The following SPTLC1 variants were observed in gnomAD, a reference collection of about 807,000 sequenced individuals.
SPTLC1 encodes serine palmitoyltransferase 1.
A neutral mutation model predicts 68.9 loss-of-function variants in SPTLC1; 55 were observed. The observed-to-expected ratio is 0.80, with a 90% confidence interval of 0.64 to 1.00. The LOEUF is 1.00. Among genes scored for constraint, SPTLC1 ranks in the 50% least tolerant of loss-of-function variants. The pLI is 0.00. For missense variants in SPTLC1, 449 were observed against 573.1 expected (o/e 0.78, Z 2.21); for synonymous variants, 197 against 201.6 (o/e 0.98, Z 0.19).
At chr9:92,036,292 G>C (rs962691100) in intron 13 of SPTLC1, among the ~76,000 whole-genome samples, 11 of 152,212 alleles carry the variant, frequency 7.2e-5, no homozygotes, top group Non-Finnish European at 1.5e-5. Context: ...GCTGTCCACA[G>C]ACTTTTCGTT....
At chr9:92,074,950 C>T (rs1834627754) in intron 5 of SPTLC1, among the ~76,000 whole-genome samples, 2 of 152,114 alleles carry the variant, frequency 1.3e-5, no homozygotes, top group Admixed American at 1.3e-4. Flanking sequence ...CCCACCAGTC[C>T]CAACAACTCA....
intron 5 of SPTLC1, among the ~76,000 whole-genome samples, chr9:92,075,056 C>G (rs1344898229): frequency 1.3e-5 from 2 of 152,076 alleles, no homozygotes; most frequent in Non-Finnish European, 2.9e-5. Context: ...ATTTGTTTCC[C>G]ATCTCATTCA....
intron 7 of SPTLC1, among the ~76,000 whole-genome samples, chr9:92,057,086 C>T (rs1833919808): frequency 6.6e-6 from 1 of 152,154 alleles, no homozygotes; most frequent in Non-Finnish European, 1.5e-5. Context: ...TTTTGTCTTT[C>T]TTGTATAAAC....
chr9:92,066,446 A>AGGAGAAGGGAGGAGGAAC (rs1267687122), intron 6 of SPTLC1, among the ~76,000 whole-genome samples: 5 of 152,180 alleles, frequency 3.3e-5, no homozygotes, highest in African/African-American at 9.7e-5. Context: ...AAGGTTAAGT[A>AGGAGAAGGGAGGAGGAAC]GGAGAAGGGA....
At chr9:92,035,299 C>G (rs1384674699) in intron 13 of SPTLC1, among the ~76,000 whole-genome samples, 1 of 152,204 alleles carries the variant, frequency 6.6e-6, no homozygotes, top group Non-Finnish European at 1.5e-5. Context: ...CTTATGACCA[C>G]CACCACCAGT....
chr9:92,066,345 T>C (rs1403262380), intron 6 of SPTLC1, among the ~76,000 whole-genome samples: 3 of 152,214 alleles, frequency 2.0e-5, no homozygotes, highest in Non-Finnish European at 2.9e-5. Flanking sequence ...TCTCTCTGGC[T>C]GTAAGATTTT....
intron 3 of SPTLC1, among the ~76,000 whole-genome samples, chr9:92,086,505 T>C (rs1835138741): frequency 1.3e-5 from 2 of 152,114 alleles, no homozygotes; most frequent in African/African-American, 4.8e-5. Context: ...CTTACGAAGC[T>C]TAGTTTGGCT....
chr9:92,068,966 G>A (rs1230332220), intron 5 of SPTLC1, among the ~76,000 whole-genome samples: 1 of 152,194 alleles, frequency 6.6e-6, no homozygotes, highest in East Asian at 1.9e-4. Context: ...AACTATGGCA[G>A]GACCCAACCC....
chr9:92,103,841 G>A (rs914947765), intron 3 of SPTLC1, among the ~76,000 whole-genome samples: 12 of 152,190 alleles, frequency 7.9e-5, no homozygotes, highest in Admixed American at 2.6e-4. Context: ...GGGCCACTGG[G>A]TGCCAGCCAG....
At chr9:92,095,621 T>TA (rs1246812690) in intron 3 of SPTLC1, among the ~76,000 whole-genome samples, 1 of 152,100 alleles carries the variant, frequency 6.6e-6, no homozygotes, top group Non-Finnish European at 1.5e-5. Flanking sequence ...CAGCTAACAT[T>TA]AAAAAACACC....
At chr9:92,111,424 T>C (rs1371454360) in intron 2 of SPTLC1, 2 of 152,204 alleles carry the variant, frequency 1.3e-5, no homozygotes, top group African/African-American at 4.8e-5. Flanking sequence ...AAACTTCTGA[T>C]CTAACAACCT....
In SPTLC1 at chr9:92,047,253, C is replaced by T; in HGVS notation, c.1000G>A (p.Gly334Arg). ...GGTAACGAAGCTGAAAAGCAGTATC[C>T]CTGGCCGGAAAGTCGCTGAGAAGAA... ...VIDHQRLSGQGYCFSASLPPL... is the reference protein window; with the variant it reads ...VIDHQRLSGQRYCFSASLPPL... Residue 334 changes from glycine (G) to arginine (R), a missense_variant, in exon 11 of 15, where the codon GGA (glycine) becomes AGA (arginine). This residue lies in a region of SPTLC1 where 391 missense variants were observed against 472.1 expected (regional missense o/e 0.83). Transcript: ENST00000262554. 1 of 1,613,994 alleles carries T rather than the reference C, an allele frequency of 6.2e-7. No homozygotes were observed. The highest frequency in any genetic ancestry group is 8.5e-7 in the Non-Finnish European group (1 of 1,179,946).
chr9:92,083,848 C>T (rs1834998936), intron 3 of SPTLC1, among the ~76,000 whole-genome samples: 2 of 152,164 alleles, frequency 1.3e-5, no homozygotes, highest in South Asian at 4.1e-4. Context: ...GCCATTTTCA[C>T]AATATTGATT....
intron 5 of SPTLC1, among the ~76,000 whole-genome samples, chr9:92,078,528 G>A (rs1028410569): frequency 1.3e-5 from 2 of 152,230 alleles, no homozygotes; most frequent in South Asian, 2.1e-4. Context: ...GTGTGAACAC[G>A]GCTCATTACA....
intron 5 of SPTLC1, among the ~76,000 whole-genome samples, chr9:92,068,693 G>A (rs1358843448): frequency 1.3e-5 from 2 of 152,182 alleles, no homozygotes; most frequent in African/African-American, 4.8e-5. Context: ...TAGATGCACT[G>A]TAAGGAGGAT....
rs148923837 is a variant in SPTLC1 at position 92,039,468 on chromosome 9, T to C, written c.1137-1103A>G. ...TGGCATCTCGCTCTGTCACTCAGGC[T>C]GGCTGCAGTGCAGTGGCACGATCTC... On this transcript the variant is annotated intron_variant, in intron 12 of 14. Coordinates refer to ENST00000262554, the MANE Select transcript of SPTLC1 (RefSeq NM_006415.4). 1.8e-3 allele frequency among the ~76,000 whole-genome samples: 276 copies of C among 152,298 alleles called. 1 individual carries two copies. The highest frequency in any genetic ancestry group is 6.2e-3 in the African/African-American group (256 of 41,558).
chr9:92,079,663 C>T lies in SPTLC1; in HGVS notation c.427+353G>A, dbSNP rs570333218. The T allele has an allele frequency of 6.4e-5, 72 of 1,120,416 alleles. No homozygotes were observed. The Admixed American group carries it at 1.1e-3, about 17-fold the overall frequency. 69.4% of individuals were successfully genotyped at this position (1,120,416 alleles called of 1,614,324 possible). On this transcript the variant is annotated intron_variant, in intron 5 of 14. Transcript: ENST00000262554. ...CCTAGAGCTGTTTCTCAGCCCCCTG[C>T]GTGGCTAGTCATGGCAGGGGTTCCG...
intron 6 of SPTLC1, among the ~76,000 whole-genome samples, chr9:92,061,870 A>C (rs983948278): frequency 1.3e-5 from 2 of 152,208 alleles, no homozygotes; most frequent in Non-Finnish European, 2.9e-5. Context: ...TTCTAAAAAC[A>C]TGTTCAATTA....
chr9:92,079,610 C>T, intron 5 of SPTLC1: 1 of 1,532,350 alleles, frequency 6.5e-7, no homozygotes, highest in East Asian at 2.2e-5. Flanking sequence ...CCTCCCTCCA[C>T]CCCAGGCAAT....
Sources: gnomAD v4.1 joint callset for allele counts (sites outside exome capture counted in the v4.1 genomes callset) on GRCh38, gnomAD v4.1.1 for gene constraint, gnomAD v4.1.1 regional missense constraint, MANE v1.5 for transcripts, NCBI Gene and HGNC (gene_info 2026-07-23, HGNC 2026-07-21) for gene names.